Variants in DNAH8 observed in about 807,000 individuals in gnomAD.
The protein encoded by DNAH8 is axonemal beta dynein heavy chain 8.
DNAH8 carries 382 observed loss-of-function variants against 562.1 expected under a neutral mutation model. That is an observed-to-expected ratio of 0.68 (90% CI 0.63 to 0.74). DNAH8 has a LOEUF of 0.74. Among genes scored for constraint, DNAH8 ranks in the 30% least tolerant of loss-of-function variants. DNAH8 has a pLI of 0.00. For missense variants in DNAH8, 5,203 were observed against 5,620.4 expected (o/e 0.93, Z 2.37); for synonymous variants, 1,881 against 1,919.4 (o/e 0.98, Z 0.52).
Position 38,896,097 on chromosome 6 carries a change from A to G in DNAH8, c.8812A>G (p.Ile2938Val), listed in dbSNP as rs750596317. 5.6e-6 allele frequency: 9 copies of G among 1,614,010 alleles called. No individual in the cohort carries two copies. The highest frequency in any genetic ancestry group is 1.6e-4 in the Middle Eastern group (1 of 6,084). The change falls in exon 60 of 93, where the codon ATT becomes GTT. Residue 2938 changes from isoleucine to valine, a missense_variant. This residue lies in a region of DNAH8 where 977 missense variants were observed against 1,061.8 expected (regional missense o/e 0.92). Transcript: ENST00000327475. The stretch of plus-strand genomic sequence containing the variant: ...TCTTACTCGTGCAGTTGAAGAAAAT[A>G]TTGGCTCTGATGCAGCGTCGTGTAT... Reference protein sequence around the residue: ...AHLTRAVEENIGSDAASCILP... With the variant: ...AHLTRAVEENVGSDAASCILP...
chr6:38,802,045 G>T (rs1770823775), intron 21 of DNAH8, among the ~76,000 whole-genome samples: 1 of 150,846 alleles, frequency 6.6e-6, no homozygotes. Context: ...CAATCCTCTT[G>T]CCTCAACCTC....
At position 38,791,909 on chromosome 6, in the gene DNAH8, G is replaced by A. The variant is rs113653336; in HGVS notation, c.2901+235G>A. ...CAGCCTAATGCTGGCGTTTCCTGGGGCTCTGTAAGTGGTTCACAGCTCTCT... is the reference window on the plus strand; with the variant it reads ...CAGCCTAATGCTGGCGTTTCCTGGGACTCTGTAAGTGGTTCACAGCTCTCT... On this transcript the variant is annotated intron_variant, in intron 21 of 92. Transcript: ENST00000327475. Among the ~76,000 whole-genome samples the A allele has an allele frequency of 3.6e-3, 550 of 152,182 alleles. 3 individuals are homozygous for A. The highest frequency in any genetic ancestry group is 0.024 in the Middle Eastern group (7 of 294).
At chr6:38,964,847 A>G (rs940022018) in intron 82 of DNAH8, among the ~76,000 whole-genome samples, 1 of 152,112 alleles carries the variant, frequency 6.6e-6, no homozygotes, top group African/African-American at 2.4e-5. Flanking sequence ...GGATCATTTG[A>G]GGTCAGGAGT....
intron 22 of DNAH8, among the ~76,000 whole-genome samples, chr6:38,804,393 A>G (rs1435038576): frequency 1.3e-5 from 2 of 152,242 alleles, no homozygotes; most frequent in African/African-American, 4.8e-5. Context: ...AGCTCTAAAT[A>G]AGAACTGATT....
intron 11 of DNAH8, among the ~76,000 whole-genome samples, chr6:38,770,192 T>G (rs1767422131): frequency 6.6e-6 from 1 of 151,940 alleles, no homozygotes; most frequent in South Asian, 2.1e-4. Flanking sequence ...TAAAAACAAA[T>G]AGTATATGGT....
intron 33 of DNAH8, among the ~76,000 whole-genome samples, chr6:38,840,841 C>T (rs565141586): frequency 1.3e-5 from 2 of 152,112 alleles, no homozygotes; most frequent in South Asian, 4.2e-4. Flanking sequence ...TTTTTATATA[C>T]TTTTTTGAAA....
chr6:38,918,249 C>G (rs1781457167), intron 70 of DNAH8, 109 bp downstream of exon 70: 1 of 719,886 alleles, frequency 1.4e-6, no homozygotes. Context: ...AGGTAGATGT[C>G]CCTGTTACCA....
chr6:38,883,925 C>T lies in DNAH8; in HGVS notation c.8186C>T (p.Pro2729Leu), dbSNP rs1778709877. ...AAGCGAATTGGAAGCACATATGGGC[C>T]ACCAGGAGGGAGAAAAATGACTGTA... ...VDKRIGSTYG[P>L]PGGRKMTVFI... The change falls in exon 56 of 93, where the codon CCA (proline) becomes CTA (leucine). Residue 2729 changes from proline (P) to leucine (L), a missense_variant. Physicochemically the swap from Pro to Leu is moderately conservative, Grantham distance 98. Coordinates refer to ENST00000327475, the MANE Select transcript of DNAH8 (RefSeq NM_001206927.2). 1.3e-6 allele frequency: 2 copies of T among 1,591,846 alleles called. No homozygotes were observed. Among genetic ancestry groups the T allele is most frequent in the Non-Finnish European group, 1.7e-6 (2 of 1,167,630 alleles).
chr6:38,952,683 TCTCTTTTCTCATC>T (rs1762000895), intron 82 of DNAH8, among the ~76,000 whole-genome samples: 1 of 152,208 alleles, frequency 6.6e-6, no homozygotes, highest in South Asian at 2.1e-4. Context: ...ATGTTCATGT[TCTCTTTTCTCATC>T]TTGACTTCAC....
At chr6:38,832,631 G>T (rs1435903649) in intron 31 of DNAH8, among the ~76,000 whole-genome samples, 196 bp downstream of exon 31, 9 of 152,092 alleles carry the variant, frequency 5.9e-5, no homozygotes, top group African/African-American at 1.9e-4. Context: ...GGCCATATTG[G>T]AAAAAGAAGA....
chr6:38,893,323 C>G (rs1451014054), intron 58 of DNAH8, among the ~76,000 whole-genome samples: 1 of 151,944 alleles, frequency 6.6e-6, no homozygotes, highest in African/African-American at 2.4e-5. Context: ...AGCTTTAAGG[C>G]AGAAGCAGTT....
chr6:38,995,220 T>C (rs1045678344), intron 88 of DNAH8, among the ~76,000 whole-genome samples: 1 of 152,198 alleles, frequency 6.6e-6, no homozygotes, highest in Non-Finnish European at 1.5e-5. Flanking sequence ...ATTATATTAA[T>C]GGATTTCCTA....
At chr6:38,860,108 G>A (rs893808464) in intron 42 of DNAH8, among the ~76,000 whole-genome samples, 1 of 152,150 alleles carries the variant, frequency 6.6e-6, no homozygotes, top group Non-Finnish European at 1.5e-5. Flanking sequence ...CTGGGTTTTA[G>A]TTGAGATGTT....
intron 11 of DNAH8, among the ~76,000 whole-genome samples, chr6:38,766,725 A>G (rs1417960267): frequency 6.6e-6 from 1 of 152,092 alleles, no homozygotes; most frequent in African/African-American, 2.4e-5. Flanking sequence ...CCAAAAAATA[A>G]CTATGTGAAG....
intron 41 of DNAH8, among the ~76,000 whole-genome samples, chr6:38,854,820 G>T (rs1240309253): frequency 6.7e-6 from 1 of 149,956 alleles, no homozygotes; most frequent in Admixed American, 6.7e-5. Flanking sequence ...ATTTTCTCTA[G>T]TGTATGTGTG....
chr6:38,915,298 T>A lies in DNAH8; in HGVS notation c.10061T>A (p.Ile3354Asn). Residue 3354 changes from isoleucine (I) to asparagine (N), a missense_variant, in exon 68 of 93, where the codon ATT (isoleucine) becomes AAT (asparagine). By Grantham distance (149) the Ile-to-Asn change is moderately radical. Transcript: ENST00000327475. ...AAAGCCCAAAAAATTGTGGATGAAA[T>A]TGATAGTGAAAAAGTGAAAGCTGAA... ...KDKAQKIVDE[I>N]DSEKVKAESK... 6.2e-7 allele frequency: 1 copy of A among 1,610,146 alleles called. No individual in the cohort carries two copies. The highest frequency in any genetic ancestry group is 8.5e-7 in the Non-Finnish European group (1 of 1,178,570).
chr6:38,994,249 G>A (rs553712603), intron 88 of DNAH8, among the ~76,000 whole-genome samples: 43 of 152,148 alleles, frequency 2.8e-4, no homozygotes, highest in African/African-American at 1.0e-3. Context: ...TTTAATTTTA[G>A]GACTTATTTA....
At chr6:38,920,843 C>T (rs1781645929) in intron 70 of DNAH8, among the ~76,000 whole-genome samples, 2 of 152,226 alleles carry the variant, frequency 1.3e-5, no homozygotes, top group South Asian at 4.2e-4. Context: ...TTTTGTCCTC[C>T]TTTCTATACA....
chr6:38,909,936 TA>T (rs1413765100), intron 65 of DNAH8, among the ~76,000 whole-genome samples, 192 bp downstream of exon 65: 1 of 152,206 alleles, frequency 6.6e-6, no homozygotes, highest in African/African-American at 2.4e-5. Flanking sequence ...AAAAACGAAC[TA>T]GTGTCCACAC....
Sources: gnomAD v4.1 joint callset for allele counts (sites outside exome capture counted in the v4.1 genomes callset) on GRCh38, gnomAD v4.1.1 for gene constraint, gnomAD v4.1.1 regional missense constraint, MANE v1.5 for transcripts, NCBI Gene and HGNC (gene_info 2026-07-23, HGNC 2026-07-21) for gene names.